RAP1A: variants seen among roughly 807,000 people sequenced by gnomAD.
The protein encoded by RAP1A is RAP1A, member of RAS oncogene family.
Under a neutral mutation model 26.4 loss-of-function variants are expected in RAP1A, and 6 were observed. The observed-to-expected ratio is 0.23, with a 90% CI of 0.12 to 0.45. The LOEUF (loss-of-function observed/expected upper bound fraction) is 0.45. Ranked by LOEUF, RAP1A falls within the 20% of genes least tolerant of loss-of-function variation. RAP1A has a pLI of 0.99. For missense variants in RAP1A, 121 were observed against 217.2 expected (o/e 0.56, Z 2.78); for synonymous variants, 73 against 79.4 (o/e 0.92, Z 0.43).
intron 1 of RAP1A, among the ~76,000 whole-genome samples, chr1:111,675,839 G>A (rs115643362): frequency 2.8e-3 from 431 of 152,312 alleles, no homozygotes; most frequent in African/African-American, 9.7e-3. Flanking sequence ...AGTTCCATGT[G>A]GCTGGGGAAG....
intron 1 of RAP1A, among the ~76,000 whole-genome samples, chr1:111,650,696 C>G (rs1467292941): frequency 6.6e-6 from 1 of 152,136 alleles, no homozygotes; most frequent in African/African-American, 2.4e-5. Context: ...TTGACACATA[C>G]TTATTATGCA....
intron 1 of RAP1A, among the ~76,000 whole-genome samples, chr1:111,659,401 G>A (rs1212427617): frequency 5.3e-5 from 8 of 152,074 alleles, no homozygotes; most frequent in African/African-American, 1.9e-4. Flanking sequence ...CACTGAAATT[G>A]CAAAAAGCAA....
chr1:111,617,798 C>A (rs1036363754), upstream of RAP1A, among the ~76,000 whole-genome samples: 5 of 150,006 alleles, frequency 3.3e-5, no homozygotes, highest in Non-Finnish European at 7.4e-5. Flanking sequence ...AATCCCAACA[C>A]TTTGGGAGGC....
chr1:111,558,453 C>T (rs1263101559), intron 1 of RAP1A, among the ~76,000 whole-genome samples: 1 of 152,030 alleles, frequency 6.6e-6, no homozygotes, highest in African/African-American at 2.4e-5. Context: ...TCCCAAAGTG[C>T]TGGGACTACA....
chr1:111,569,374 G>A (rs1437343683), intron 1 of RAP1A, among the ~76,000 whole-genome samples: 1 of 135,188 alleles, frequency 7.4e-6, no homozygotes, highest in Non-Finnish European at 1.5e-5. Context: ...ACTCCAGACA[G>A]AGTGAGACTC....
At chr1:111,580,858 CAAAAAACAAAA>C (rs1411031664) in intron 1 of RAP1A, among the ~76,000 whole-genome samples, 6 of 41,880 alleles carry the variant, frequency 1.4e-4, no homozygotes, top group Non-Finnish European at 2.7e-4. Context: ...AACAAAAAAA[CAAAAAACAAAA>C]AAAAAACAAC....
chr1:111,704,566 A>G (rs1662127043), intron 6 of RAP1A, 80 bp downstream of exon 6: 2 of 1,388,502 alleles, frequency 1.4e-6, no homozygotes, highest in Non-Finnish European at 1.9e-6. Flanking sequence ...TTAAGAAAAA[A>G]TTTTTATCTT....
chr1:111,691,923 A>T (rs938510076), intron 2 of RAP1A, among the ~76,000 whole-genome samples: 1 of 152,206 alleles, frequency 6.6e-6, no homozygotes, highest in Non-Finnish European at 1.5e-5. Context: ...AGTGGAGGAG[A>T]TGTAATAAAT....
intron 1 of RAP1A, among the ~76,000 whole-genome samples, chr1:111,564,819 C>T (rs1244343258): frequency 6.6e-6 from 1 of 151,750 alleles, no homozygotes; most frequent in South Asian, 2.1e-4. Context: ...GCCTGTGAGA[C>T]CCCAACTCTT....
At chr1:111,609,201 G>A (rs1658875503) in intron 1 of RAP1A, among the ~76,000 whole-genome samples, 1 of 152,182 alleles carries the variant, frequency 6.6e-6, no homozygotes, top group Non-Finnish European at 1.5e-5. Flanking sequence ...CACATGCCCT[G>A]GCTTTTCTTC....
chr1:111,614,212 A>T (rs1364974341), intron 1 of RAP1A, among the ~76,000 whole-genome samples: 1 of 152,190 alleles, frequency 6.6e-6, no homozygotes, highest in Non-Finnish European at 1.5e-5. Flanking sequence ...ACAAAATGAG[A>T]CTAATAATAC....
intron 1 of RAP1A, among the ~76,000 whole-genome samples, chr1:111,549,309 C>CTTTTTTTTTTTTT (rs767231547): frequency 8.0e-6 from 1 of 125,604 alleles, no homozygotes; most frequent in Admixed American, 7.9e-5. Context: ...CAGTCATGGG[C>CTTTTTTTTTTTTT]TTTTTTTTTT....
chr1:111,662,664 T>C (rs1333452412), intron 1 of RAP1A, among the ~76,000 whole-genome samples: 6 of 152,198 alleles, frequency 3.9e-5, no homozygotes, highest in Non-Finnish European at 7.3e-5. Context: ...TGGCAGTGTT[T>C]TTATCAACTA....
At chr1:111,573,748 A>C (rs1006939656) in intron 1 of RAP1A, among the ~76,000 whole-genome samples, 1 of 152,162 alleles carries the variant, frequency 6.6e-6, no homozygotes, top group Non-Finnish European at 1.5e-5. Context: ...CTTGTTGGCC[A>C]CATGTATGTC....
intron 1 of RAP1A, among the ~76,000 whole-genome samples, chr1:111,593,652 C>CTTTTTTTTTTTT (rs994763442): frequency 6.1e-5 from 4 of 65,408 alleles, no homozygotes; most frequent in Non-Finnish European, 8.2e-5. Context: ...ATGACTCCTA[C>CTTTTTTTTTTTT]TTTTTTTTTT....
chr1:111,662,583 C>A (rs1007352800), intron 1 of RAP1A, among the ~76,000 whole-genome samples: 1 of 151,996 alleles, frequency 6.6e-6, no homozygotes, highest in African/African-American at 2.4e-5. Context: ...TCTGGCCATA[C>A]TAAGAGAGAT....
chr1:111,702,818 C>T (rs1447611613), intron 4 of RAP1A, among the ~76,000 whole-genome samples: 1 of 152,140 alleles, frequency 6.6e-6, no homozygotes, highest in Non-Finnish European at 1.5e-5. Flanking sequence ...CCTTGGCCTT[C>T]CAAAGTGTTG....
chr1:111,631,932 A>G (rs1659579463), intron 1 of RAP1A, among the ~76,000 whole-genome samples: 1 of 151,950 alleles, frequency 6.6e-6, no homozygotes, highest in Non-Finnish European at 1.5e-5. Context: ...TTTGCACCAT[A>G]GTGTTCATTA....
chr1:111,674,761 T>C (rs1156626865), intron 1 of RAP1A, among the ~76,000 whole-genome samples: 1 of 152,186 alleles, frequency 6.6e-6, no homozygotes, highest in Non-Finnish European at 1.5e-5. Flanking sequence ...TTATCAGTTA[T>C]GGAGTCCTGT....
Sources: gnomAD v4.1 joint callset for allele counts (sites outside exome capture counted in the v4.1 genomes callset) on GRCh38, gnomAD v4.1.1 for gene constraint, MANE v1.5 for transcripts, NCBI Gene and HGNC (gene_info 2026-07-23, HGNC 2026-07-21) for gene names.